Variants in MLLT10 observed in about 807,000 individuals in gnomAD.
MLLT10 encodes protein AF-10.
A neutral mutation model predicts 129.1 loss-of-function variants in MLLT10; 30 were observed. That is an observed-to-expected ratio of 0.23 (90% CI 0.17 to 0.32). The LOEUF is 0.32. Ranked by LOEUF, MLLT10 falls within the 10% of genes least tolerant of loss-of-function variation. MLLT10 has a pLI of 1.00. For missense variants in MLLT10, 1,119 were observed against 1,268.3 expected (o/e 0.88, Z 1.79); for synonymous variants, 490 against 446.4 (o/e 1.10, Z -1.23).
rs114773241 is a variant in MLLT10 at position 21,565,219 on chromosome 10, C to T, written c.241-21075C>T. 3.7e-3 allele frequency among the ~76,000 whole-genome samples: 559 copies of T among 152,178 alleles called. 5 individuals are homozygous for T. Among genetic ancestry groups the T allele is most frequent in the African/African-American group, 0.013 (525 of 41,536 alleles). On this transcript the variant is annotated intron_variant, in intron 3 of 22. Transcript: ENST00000307729. ...GCTTTTCTTTAATTAATGTTTGCATCATATACCTTTTTAATTTTTTTTTGC... is the reference window on the plus strand; with the variant it reads ...GCTTTTCTTTAATTAATGTTTGCATTATATACCTTTTTAATTTTTTTTTGC...
chr10:21,597,169 A>G (rs571850561), intron 5 of MLLT10, among the ~76,000 whole-genome samples: 2 of 152,298 alleles, frequency 1.3e-5, no homozygotes, highest in Non-Finnish European at 2.9e-5. Flanking sequence ...CCAATATAAT[A>G]TGCTGTCACC....
chr10:21,657,253 C>T (rs990428799), intron 9 of MLLT10, among the ~76,000 whole-genome samples: 2 of 151,830 alleles, frequency 1.3e-5, no homozygotes, highest in Non-Finnish European at 2.9e-5. Context: ...ATTAGCTGGG[C>T]ATGGTGGCAT....
chr10:21,565,383 C>G (rs1041165623), intron 3 of MLLT10, among the ~76,000 whole-genome samples: 1 of 152,182 alleles, frequency 6.6e-6, no homozygotes, highest in Admixed American at 6.6e-5. Flanking sequence ...TCTTGGTTCA[C>G]TGCAACCTCC....
intron 5 of MLLT10, among the ~76,000 whole-genome samples, chr10:21,609,652 G>A (rs1483682316): frequency 6.6e-6 from 1 of 152,116 alleles, no homozygotes; most frequent in Non-Finnish European, 1.5e-5. Flanking sequence ...TAATCTTCTG[G>A]CTGTTCAGTT....
intron 5 of MLLT10, among the ~76,000 whole-genome samples, chr10:21,600,283 A>G (rs918945197): frequency 1.3e-5 from 2 of 152,108 alleles, no homozygotes; most frequent in Admixed American, 6.5e-5. Flanking sequence ...TAATAAAAGC[A>G]CAATTTAGAC....
chr10:21,610,084 C>T (rs1045328325), intron 5 of MLLT10, among the ~76,000 whole-genome samples: 1 of 152,200 alleles, frequency 6.6e-6, no homozygotes, highest in Non-Finnish European at 1.5e-5. Flanking sequence ...TAGCCTTCTT[C>T]TGAAGAGACA....
chr10:21,556,734 G>A (rs775339545), intron 3 of MLLT10: 11 of 1,611,536 alleles, frequency 6.8e-6, no homozygotes, highest in Admixed American at 1.7e-5. Flanking sequence ...CCCCACCCCC[G>A]ATGCCTGGTG....
chr10:21,571,137 A>G (rs535879171), intron 3 of MLLT10, among the ~76,000 whole-genome samples: 38 of 152,130 alleles, frequency 2.5e-4, no homozygotes, highest in African/African-American at 8.4e-4. Flanking sequence ...ATATCACATC[A>G]TTTCCTTTTG....
At chr10:21,694,042 T>C (rs760267481) in intron 13 of MLLT10, among the ~76,000 whole-genome samples, 4 of 152,228 alleles carry the variant, frequency 2.6e-5, no homozygotes, top group Non-Finnish European at 4.4e-5. Context: ...TCCGAAAATA[T>C]TTTTATTTTG....
Position 21,717,193 on chromosome 10 carries a change from C to T in MLLT10, c.1878+3243C>T, listed in dbSNP as rs539614690. 9.5e-5 allele frequency among the ~76,000 whole-genome samples: 12 copies of T among 125,854 alleles called. No homozygotes were observed. The South Asian group carries it at 1.7e-3, about 17-fold the overall frequency. 82.6% of individuals were successfully genotyped at this position (125,854 alleles called of 152,430 possible). On this transcript the variant is annotated intron_variant, in intron 14 of 22. Coordinates refer to ENST00000307729, the MANE Select transcript of MLLT10 (RefSeq NM_001195626.3). Reference sequence around the variant, plus strand: ...GCTTGAACCTGGGAGGCAGAGGTTGCGGTGAGCCAAGATCACGCCATTGCG... The same window carrying T: ...GCTTGAACCTGGGAGGCAGAGGTTGTGGTGAGCCAAGATCACGCCATTGCG...
intron 8 of MLLT10, among the ~76,000 whole-genome samples, chr10:21,629,100 CTT>C (rs952728826): frequency 8.4e-5 from 12 of 143,156 alleles, no homozygotes; most frequent in Non-Finnish European, 1.1e-4. Context: ...TGGTGGCTGC[CTT>C]TTTTTTTTTG....
intron 5 of MLLT10, among the ~76,000 whole-genome samples, chr10:21,604,609 A>G (rs956054065): frequency 1.4e-4 from 21 of 152,090 alleles, no homozygotes; most frequent in African/African-American, 5.1e-4. Context: ...AATAACTTCT[A>G]TTTCTAAAGC....
chr10:21,589,221 T>C (rs2042275087), intron 4 of MLLT10, among the ~76,000 whole-genome samples: 3 of 152,184 alleles, frequency 2.0e-5, no homozygotes, highest in Admixed American at 2.0e-4. Flanking sequence ...AAAATTTTTT[T>C]TTACCGTGCA....
intron 14 of MLLT10, 55 bp from the exon 15 acceptor site, chr10:21,726,189 C>T (rs936787404): frequency 1.6e-6 from 2 of 1,213,338 alleles, no homozygotes; most frequent in African/African-American, 1.5e-5. Context: ...GAAGGGAAAA[C>T]TTTTAATATA....
chr10:21,606,708 A>G (rs1030305699), intron 5 of MLLT10, among the ~76,000 whole-genome samples: 4 of 152,238 alleles, frequency 2.6e-5, no homozygotes, highest in South Asian at 4.1e-4. Context: ...ACTTGAATGT[A>G]TATCTTCTCA....
intron 14 of MLLT10, among the ~76,000 whole-genome samples, chr10:21,717,912 T>TCCTCCTCCTC (rs1393025496): frequency 1.2e-5 from 1 of 86,800 alleles, no homozygotes; most frequent in East Asian, 3.7e-4. Flanking sequence ...TCCTCCTCCT[T>TCCTCCTCCTC]CTCCTTCTCC....
intron 9 of MLLT10, chr10:21,669,150 G>C: frequency 8.8e-7 from 1 of 1,134,152 alleles, no homozygotes. Context: ...GTTCTTGTTT[G>C]TGGATTGTAG....
At position 21,742,985 on chromosome 10, in the gene MLLT10, A is replaced by AGAATAGAGAT. The variant is rs1415707576; in HGVS notation, c.*1003_*1012dup. ...CACAAGAAAAGGAGTGGATTTGGTA[A>AGAATAGAGAT]GAATAGAGATTTGTTTTATTTAAAC... On this transcript the variant is annotated 3_prime_UTR_variant, in exon 23 of 23. Coordinates refer to ENST00000307729, the MANE Select transcript of MLLT10 (RefSeq NM_001195626.3). The AGAATAGAGAT allele has an allele frequency of 8.7e-6, 2 of 229,610 alleles. No homozygotes were observed. The highest frequency in any genetic ancestry group is 1.7e-5 in the Non-Finnish European group (2 of 115,856). 14.2% of individuals were successfully genotyped at this position (229,610 alleles called of 1,614,324 possible).
At chr10:21,643,328 C>T (rs1258402847) in intron 8 of MLLT10, among the ~76,000 whole-genome samples, 1 of 152,168 alleles carries the variant, frequency 6.6e-6, no homozygotes, top group Non-Finnish European at 1.5e-5. Flanking sequence ...CCACCGCGCC[C>T]TGACAGGGTT....
Sources: allele counts gnomAD v4.1 joint callset (sites outside exome capture counted in the v4.1 genomes callset), GRCh38; gene constraint gnomAD v4.1.1; transcripts MANE v1.5; gene names NCBI Gene and HGNC (gene_info 2026-07-23, HGNC 2026-07-21).